The following OTOG variants were observed in gnomAD, a reference collection of about 807,000 sequenced individuals.
OTOG encodes otogelin.
A neutral mutation model predicts 313.8 loss-of-function variants in OTOG; 296 were observed. The observed-to-expected ratio is 0.94, with a 90% CI of 0.86 to 1.04. OTOG has a LOEUF of 1.04. Ranked by LOEUF, OTOG falls within the 50% of genes least tolerant of loss-of-function variation. The pLI, the probability that OTOG is intolerant of heterozygous loss-of-function variation, is 0.00. For synonymous variants in OTOG, 1,533 were observed against 1,554.9 expected (o/e 0.99, Z 0.33); for missense variants, 3,948 against 3,840.1 (o/e 1.03, Z -0.74).
rs975568461 is a variant in OTOG at position 17,595,998 on chromosome 11, G to A, written c.3409-40G>A. The stretch of plus-strand genomic sequence containing the variant: ...CTGTCATGTCAGGCAACAGGCATTT[G>A]GCAAGTAGGGAGGTCAACAGCCCTG... On this transcript the variant is annotated intron_variant, in intron 28 of 55. Transcript: ENST00000399397. 12 of 1,396,142 alleles carry A rather than the reference G, an allele frequency of 8.6e-6. No homozygotes were observed. The Middle Eastern group carries it at 8.7e-4, about 102-fold the overall frequency. The allele number at this position is 1,396,142 out of a possible 1,614,324, so 86.5% of individuals were successfully genotyped here.
intron 37 of OTOG, 21 bp downstream of exon 37, chr11:17,612,351 A>C (rs1182894181): frequency 3.3e-6 from 5 of 1,510,660 alleles, no homozygotes; most frequent in Non-Finnish European, 4.4e-6. Flanking sequence ...GGATCAGCGG[A>C]GCCTCCTGCA....
At chr11:17,562,641 C>T (rs1852215169) in intron 15 of OTOG, among the ~76,000 whole-genome samples, 1 of 152,102 alleles carries the variant, frequency 6.6e-6, no homozygotes. Flanking sequence ...GTGAATGGCA[C>T]ACAAAAATCT....
Position 17,609,860 on chromosome 11 carries a change from G to A in OTOG, c.4560G>A (p.Val1520=). 6.6e-7 allele frequency: 1 copy of A among 1,516,260 alleles called. No individual in the cohort carries two copies. The highest frequency in any genetic ancestry group is 8.9e-7 in the Non-Finnish European group (1 of 1,126,314). The allele number at this position is 1,516,260 out of a possible 1,614,324, so 93.9% of individuals were successfully genotyped here. ...CAGTGACAGCCACTGAGGAGCCAGT[G>A]GTGTCTCCAGGCCCCACCCAGACCA... The part of the protein sequence containing the change: ...NPPVTATEEP[V]VSPGPTQTTL... The change falls in exon 36 of 56, where the codon GTG becomes GTA. Residue 1520 remains valine, a synonymous_variant. Transcript: ENST00000399397.
chr11:17,618,180 C>G (rs541312401), intron 39 of OTOG, among the ~76,000 whole-genome samples: 1 of 152,196 alleles, frequency 6.6e-6, no homozygotes, highest in Non-Finnish European at 1.5e-5. Context: ...GGATTACAGG[C>G]GTGAGCCACC....
chr11:17,547,416 G>A lies in OTOG; in HGVS notation c.44G>A (p.Trp15Ter). The change falls in exon 1 of 56, where the codon TGG (tryptophan) becomes TAG (stop). Residue 15 changes from tryptophan (W) to a stop codon, truncating the protein, a stop_gained. Coordinates refer to ENST00000399397, the MANE Select transcript of OTOG (RefSeq NM_001292063.2). LOFTEE classifies it high-confidence loss of function. ...ASALCWLLCV[W>*]LPWGEQAAES... ...GCGCTCTGCTGGCTGCTTTGTGTCT[G>A]GCTGCCCTGGGGTGAGCAGGCAGCC... 1.4e-6 allele frequency: 2 copies of A among 1,419,762 alleles called. No homozygotes were observed. The highest frequency in any genetic ancestry group is 1.8e-6 in the Non-Finnish European group (2 of 1,091,616). The allele number at this position is 1,419,762 out of a possible 1,614,324, so 87.9% of individuals were successfully genotyped here. A position where few individuals can be genotyped will look rare whatever the true frequency, so the allele number is the denominator to read the frequency against.
intron 32 of OTOG, among the ~76,000 whole-genome samples, chr11:17,603,434 C>T (rs1371054690): frequency 1.3e-5 from 2 of 152,096 alleles, no homozygotes; most frequent in Non-Finnish European, 2.9e-5. Context: ...AATGTGTAGT[C>T]CAGAGGGGGT....
chr11:17,558,349 G>A, intron 9 of OTOG, 34 bp downstream of exon 9: 1 of 1,547,636 alleles, frequency 6.5e-7, no homozygotes. Flanking sequence ...CCCTACCCTA[G>A]AGCCTGACTT....
At chr11:17,566,440 G>A (rs368407734) in intron 15 of OTOG, among the ~76,000 whole-genome samples, 16 of 152,230 alleles carry the variant, frequency 1.1e-4, no homozygotes, top group East Asian at 7.7e-4. Context: ...ATGGAGAGCC[G>A]ACTGTATATG....
intron 23 of OTOG, among the ~76,000 whole-genome samples, chr11:17,583,301 AT>A (rs1852716502): frequency 6.6e-6 from 1 of 151,958 alleles, no homozygotes; most frequent in Admixed American, 6.6e-5. Flanking sequence ...TACCTGGCAA[AT>A]TTTTTAAATT....
chr11:17,619,349 C>T (rs1296066770), intron 39 of OTOG, among the ~76,000 whole-genome samples: 1 of 152,188 alleles, frequency 6.6e-6, no homozygotes, highest in Non-Finnish European at 1.5e-5. Flanking sequence ...AAGATCCAAT[C>T]TGACAATCTC....
At chr11:17,632,020 AG>A in intron 41 of OTOG, 67 bp from the exon 42 acceptor site, 1 of 1,538,186 alleles carries the variant, frequency 6.5e-7, no homozygotes, top group East Asian at 2.5e-5. Context: ...TTGGGCAGGG[AG>A]GGGAGGAGCT....
chr11:17,573,206 C>G lies in OTOG; in HGVS notation c.2209C>G (p.Leu737Val). 6.5e-7 allele frequency: 1 copy of G among 1,537,988 alleles called. No individual in the cohort carries two copies. Among genetic ancestry groups the G allele is most frequent in the Non-Finnish European group, 8.7e-7 (1 of 1,146,578 alleles). The change falls in exon 19 of 56, where the codon CTG becomes GTG. Residue 737 changes from leucine to valine, a missense_variant. Leu to Val is a conservative substitution (Grantham distance 32). Coordinates refer to ENST00000399397, the MANE Select transcript of OTOG (RefSeq NM_001292063.2). ...TGCCTGCCGCTGCGGGCAGCCCTGCCTGTGCGCCACACTGGCCCACTACGC... is the reference window on the plus strand; with the variant it reads ...TGCCTGCCGCTGCGGGCAGCCCTGCGTGTGCGCCACACTGGCCCACTACGC... Reference protein sequence around the residue: ...RDACRCGQPCLCATLAHYAHL... With the variant: ...RDACRCGQPCVCATLAHYAHL...
chr11:17,559,209 G>A (rs539208868), intron 11 of OTOG, 48 bp downstream of exon 11: 2 of 1,306,056 alleles, frequency 1.5e-6, no homozygotes, highest in Non-Finnish European at 2.1e-6. Context: ...GGCTGTGGGT[G>A]GCATTCTCAG....
chr11:17,586,517 C>A lies in OTOG; in HGVS notation c.2803C>A (p.Pro935Thr). 1.4e-6 allele frequency: 2 copies of A among 1,454,088 alleles called. No homozygotes were observed. The highest frequency in any genetic ancestry group is 1.8e-6 in the Non-Finnish European group (2 of 1,098,644). The allele number at this position is 1,454,088 out of a possible 1,614,324, so 90.1% of individuals were successfully genotyped here. Residue 935 changes from proline to threonine, a missense_variant, in exon 24 of 56, where the codon CCC becomes ACC. Transcript: ENST00000399397. ...GDACFLPEEC[P>T]CTWKGKEYFP... ...TGCATGTTTCCTGCCAGAGGAGTGC[C>A]CCTGCACTTGGAAGGGGAAGGAGTA...
intron 1 of OTOG, 91 bp downstream of exon 1, chr11:17,547,557 G>A (rs1592056201): frequency 7.9e-7 from 1 of 1,273,064 alleles, no homozygotes; most frequent in Non-Finnish European, 9.9e-7. Context: ...GTTGGAGAGA[G>A]GGAGGAAAGA....
rs527926202 is a variant in OTOG, at chr11:17,630,351, C to T, written c.6712+1035C>T. On this transcript the variant is annotated intron_variant, in intron 40 of 55. Coordinates refer to ENST00000399397, the MANE Select transcript of OTOG (RefSeq NM_001292063.2). ...TGCCAGCAAAGAGCACTGTGGTCAG[C>T]AGTAGCCTGGTGAGCCAACCCCTCC... Among the ~76,000 whole-genome samples the T allele has an allele frequency of 1.6e-4, 25 of 152,298 alleles. No homozygotes were observed. In the South Asian group the frequency reaches 5.2e-3, roughly 32 times the overall value.
Position 17,547,269 on chromosome 11 carries a change from G to C in OTOG, c.-104G>C. On this transcript the variant is annotated 5_prime_UTR_variant, in exon 1 of 56. Coordinates refer to ENST00000399397, the MANE Select transcript of OTOG (RefSeq NM_001292063.2). ...AGGGAGCCCTGGGGCATGAGAACAA[G>C]AGGGACCTCGGCTGCGGAGTGGAGG... is the stretch of plus-strand genomic sequence containing the variant. 2.0e-6 allele frequency: 2 copies of C among 979,632 alleles called. No homozygotes were observed. Among genetic ancestry groups the C allele is most frequent in the Non-Finnish European group, 2.7e-6 (2 of 748,658 alleles). The allele number at this position is 979,632 out of a possible 1,614,324, so 60.7% of individuals were successfully genotyped here.
In OTOG at chr11:17,638,566, G is replaced by T; in HGVS notation, c.7894+17G>T. 1.3e-6 allele frequency: 2 copies of T among 1,547,770 alleles called. No individual in the cohort carries two copies. The highest frequency in any genetic ancestry group is 8.7e-7 in the Non-Finnish European group (1 of 1,144,766). Reference sequence around the variant, plus strand: ...AATCCTGTGGTGAGTCCGTGGTCAGGACAGCCTCCCCGCTGGGAGATCCAG... The same window carrying T: ...AATCCTGTGGTGAGTCCGTGGTCAGTACAGCCTCCCCGCTGGGAGATCCAG... On this transcript the variant is annotated intron_variant, in intron 48 of 55. Transcript: ENST00000399397.
At chr11:17,591,831 C>CT (rs1590025352) in intron 25 of OTOG, among the ~76,000 whole-genome samples, 1 of 152,144 alleles carries the variant, frequency 6.6e-6, no homozygotes, top group Admixed American at 6.5e-5. Flanking sequence ...GGTCCCAGTG[C>CT]TTTTTTCTGT....
Sources: gnomAD v4.1 joint callset for allele counts (sites outside exome capture counted in the v4.1 genomes callset) on GRCh38, gnomAD v4.1.1 for gene constraint, MANE v1.5 for transcripts, NCBI Gene and HGNC (gene_info 2026-07-23, HGNC 2026-07-21) for gene names.